PDZD2: variants seen among roughly 807,000 people sequenced by gnomAD.
PDZD2 encodes PDZ domain containing 2.
PDZD2 carries 90 observed loss-of-function variants against 220.7 expected under a neutral mutation model. The observed-to-expected ratio is 0.41, with a 90% confidence interval of 0.34 to 0.49. The LOEUF is 0.49. PDZD2 is among the 20% of genes least tolerant of loss of function. The pLI is 0.28. For synonymous variants in PDZD2, 1,375 were observed against 1,450.5 expected (o/e 0.95, Z 1.18); for missense variants, 3,174 against 3,608.5 (o/e 0.88, Z 3.08).
At chr5:32,051,086 A>T (rs780181990) in intron 8 of PDZD2, among the ~76,000 whole-genome samples, 1 of 152,168 alleles carries the variant, frequency 6.6e-6, no homozygotes, top group Non-Finnish European at 1.5e-5. Flanking sequence ...ACTCTCTGAG[A>T]GGTTGGTGAA....
Position 32,000,136 on chromosome 5 carries a change from C to T in PDZD2, c.1122-3C>T. 1 of 1,613,848 alleles carries T rather than the reference C, an allele frequency of 6.2e-7. No individual in the cohort carries two copies. Among genetic ancestry groups the T allele is most frequent in the South Asian group, 1.1e-5 (1 of 91,028 alleles). On this transcript the variant is annotated splice_polypyrimidine_tract_variant and splice_region_variant and intron_variant, in intron 4 of 24. Coordinates refer to ENST00000438447, the MANE Select transcript of PDZD2 (RefSeq NM_178140.4). The surrounding 1 kb of genome is among the most constrained non-coding windows in gnomAD (Gnocchi z 4.5). ...GATCTTTTTCCCATCTCCCTTTCCT[C>T]AGGGATGGCAGGCTGTCCTTAGGAG...
chr5:31,841,131 T>A (rs1757274751), intron 2 of PDZD2, among the ~76,000 whole-genome samples: 1 of 152,220 alleles, frequency 6.6e-6, no homozygotes, highest in Non-Finnish European at 1.5e-5. Context: ...AAATATTACT[T>A]GTCATCCCAT....
At chr5:31,662,652 C>T (rs935212582) in intron 1 of PDZD2, among the ~76,000 whole-genome samples, 12 of 151,998 alleles carry the variant, frequency 7.9e-5, no homozygotes, top group African/African-American at 1.9e-4. Flanking sequence ...TTTTTTGAGA[C>T]GGAGTCTGGC....
chr5:31,640,592 G>C (rs1744912014), intron 1 of PDZD2, among the ~76,000 whole-genome samples: 3 of 152,280 alleles, frequency 2.0e-5, no homozygotes. Context: ...TTCTCCAGTG[G>C]GGTCTCTGAA....
chr5:31,764,035 A>G (rs1478307439), intron 1 of PDZD2, among the ~76,000 whole-genome samples: 1 of 152,204 alleles, frequency 6.6e-6, no homozygotes, highest in Non-Finnish European at 1.5e-5. Context: ...GACAAGCTGC[A>G]GAACTGCAGG....
chr5:31,968,308 A>T (rs1000719702), intron 2 of PDZD2, among the ~76,000 whole-genome samples: 7 of 152,140 alleles, frequency 4.6e-5, no homozygotes, highest in Admixed American at 4.6e-4. Context: ...CAGTGAGCCG[A>T]GATCGCACCA....
Position 32,053,902 on chromosome 5 carries a change from T to A in PDZD2, c.1900+19T>A. The A allele has an allele frequency of 7.5e-7, 1 of 1,327,488 alleles. No homozygotes were observed. The highest frequency in any genetic ancestry group is 1.1e-6 in the Non-Finnish European group (1 of 918,276). The allele number at this position is 1,327,488 out of a possible 1,614,324, so 82.2% of individuals were successfully genotyped here. ...AAAGAAGGTAGGGGAAAGCCTCTTG[T>A]ATCCTCAGTGACAGTGACTTTGATC... On this transcript the variant is annotated intron_variant, in intron 10 of 24. Coordinates refer to ENST00000438447, the MANE Select transcript of PDZD2 (RefSeq NM_178140.4).
At position 32,087,978 on chromosome 5, in the gene PDZD2, C is replaced by T. The variant is rs752699560; in HGVS notation, c.4530C>T (p.Asp1510=). The change falls in exon 20 of 25, where the codon GAC becomes GAT. Residue 1510 remains aspartate (D), a synonymous_variant. Coordinates refer to ENST00000438447, the MANE Select transcript of PDZD2 (RefSeq NM_178140.4). This position sits in a 1 kb window ranked among gnomAD's most constrained non-coding sequence, Gnocchi z 4.0. ...QPSVLDSINP[D]KHFTVNKNFL... ...CGGTTTTAGATTCAATTAATCCCGACAAACATTTTACTGTGAACAAAAACT... is the reference window on the plus strand; with the variant it reads ...CGGTTTTAGATTCAATTAATCCCGATAAACATTTTACTGTGAACAAAAACT... 4 of 1,614,188 alleles carry T rather than the reference C, an allele frequency of 2.5e-6. No homozygotes were observed. The East Asian group carries it at 8.9e-5, about 36-fold the overall frequency.
intron 2 of PDZD2, among the ~76,000 whole-genome samples, chr5:31,819,419 G>A (rs1312414510): frequency 6.6e-6 from 1 of 152,094 alleles, no homozygotes; most frequent in African/African-American, 2.4e-5. Flanking sequence ...CACTTTGTGA[G>A]GCTGAGGTGG....
chr5:31,761,169 G>A (rs971716628), intron 1 of PDZD2, among the ~76,000 whole-genome samples: 1 of 152,124 alleles, frequency 6.6e-6, no homozygotes, highest in Non-Finnish European at 1.5e-5. Context: ...ATTCAAATGC[G>A]ATGTTGTAGG....
chr5:32,015,406 C>T (rs1462713344), intron 6 of PDZD2, among the ~76,000 whole-genome samples: 1 of 152,118 alleles, frequency 6.6e-6, no homozygotes, highest in African/African-American at 2.4e-5. Flanking sequence ...GCCACCGCAG[C>T]CTGCTAATTT....
At chr5:31,665,565 G>A (rs931530268) in intron 1 of PDZD2, among the ~76,000 whole-genome samples, 6 of 151,924 alleles carry the variant, frequency 3.9e-5, no homozygotes, top group African/African-American at 1.2e-4. Flanking sequence ...CATGGGGGCG[G>A]TTTCCCCCAT....
At chr5:32,032,334 T>G (rs534676631) in intron 6 of PDZD2, among the ~76,000 whole-genome samples, 1 of 152,162 alleles carries the variant, frequency 6.6e-6, no homozygotes, top group Admixed American at 6.5e-5. Context: ...AAAGTTTCCC[T>G]AGGCCATTCT....
chr5:32,046,513 G>A (rs984754649), intron 7 of PDZD2, among the ~76,000 whole-genome samples: 6 of 152,106 alleles, frequency 3.9e-5, no homozygotes, highest in Admixed American at 2.0e-4. Flanking sequence ...AAAGTGCTGG[G>A]ATTACAGGCA....
chr5:31,987,056 T>C (rs1170014462), intron 3 of PDZD2, among the ~76,000 whole-genome samples: 4 of 152,118 alleles, frequency 2.6e-5, no homozygotes, highest in Non-Finnish European at 4.4e-5. Flanking sequence ...TCCTAGGACA[T>C]AGACAAACTA....
intron 2 of PDZD2, among the ~76,000 whole-genome samples, chr5:31,967,634 T>A (rs1438079249): frequency 1.3e-5 from 2 of 152,170 alleles, no homozygotes; most frequent in Admixed American, 1.3e-4. Flanking sequence ...TGGGCGTTGA[T>A]AGTAGCCTCT....
intron 21 of PDZD2, 146 bp from the exon 22 acceptor site, chr5:32,097,132 CA>C (rs1743794889): frequency 3.2e-6 from 2 of 623,558 alleles, no homozygotes; most frequent in South Asian, 3.9e-5. Flanking sequence ...GGCTGAGAGC[CA>C]AAGAACCTTT....
At chr5:31,925,671 A>C (rs1017573232) in intron 2 of PDZD2, among the ~76,000 whole-genome samples, 1 of 152,182 alleles carries the variant, frequency 6.6e-6, no homozygotes, top group South Asian at 2.1e-4. Context: ...TAAACAGACA[A>C]CCCACGGAAT....
chr5:31,825,846 C>T (rs1463047274), intron 2 of PDZD2, among the ~76,000 whole-genome samples: 3 of 152,186 alleles, frequency 2.0e-5, no homozygotes, highest in Non-Finnish European at 4.4e-5. Flanking sequence ...ACAATCACAA[C>T]GGCTGTTTCC....
Sources: gnomAD v4.1 joint callset for allele counts (sites outside exome capture counted in the v4.1 genomes callset) on GRCh38, gnomAD v4.1.1 for gene constraint, Gnocchi (gnomAD v3.1) non-coding constraint, MANE v1.5 for transcripts, NCBI Gene and HGNC (gene_info 2026-07-23, HGNC 2026-07-21) for gene names.